The following SPAG16 variants were observed in gnomAD, a reference collection of about 807,000 sequenced individuals.
The protein encoded by SPAG16 is sperm associated antigen 16.
SPAG16 carries 86 observed loss-of-function variants against 80.4 expected under a neutral mutation model. The ratio of observed to expected loss-of-function variants is 1.07; its 90% confidence interval spans 0.90 to 1.28. SPAG16 has a LOEUF of 1.28. SPAG16 is among the 50% of genes most tolerant of loss of function. SPAG16 has a pLI of 0.00. For missense variants in SPAG16, 870 were observed against 765.3 expected, an observed-to-expected ratio of 1.14 and a Z score of -1.61; for synonymous variants, 294 against 265.9, an observed-to-expected ratio of 1.11 and a Z score of -1.03.
chr2:214,110,779 C>T (rs1016360574), intron 14 of SPAG16, among the ~76,000 whole-genome samples: 9 of 152,178 alleles, frequency 5.9e-5, no homozygotes, highest in African/African-American at 1.9e-4. Flanking sequence ...CCTATTTCTC[C>T]ACATCCTCTC....
chr2:213,898,472 T>C (rs548416640), intron 11 of SPAG16, among the ~76,000 whole-genome samples: 34 of 152,254 alleles, frequency 2.2e-4, no homozygotes, highest in African/African-American at 7.7e-4. Flanking sequence ...CTGTGATCTT[T>C]TCTGGAGTTT....
intron 10 of SPAG16, among the ~76,000 whole-genome samples, chr2:213,580,143 A>G (rs528394572): frequency 1.3e-5 from 2 of 151,962 alleles, no homozygotes; most frequent in African/African-American, 4.8e-5. Flanking sequence ...TGCTTACCCT[A>G]TACCCAGAGA....
rs778527957 is a variant in SPAG16, at chr2:214,410,168, T to C, written c.1749T>C (p.Asn583=). ...GAGTTTTAGCTCAGGCAAGTGGCAA[T>C]GGTGTTATCCATTTGCTAGATCTTA... The part of the protein sequence containing the change: ...SGRVLAQASG[N]GVIHLLDLKS... Residue 583 remains asparagine (N), a synonymous_variant, in exon 16 of 16, where the codon AAT becomes AAC. Coordinates refer to ENST00000331683, the MANE Select transcript of SPAG16 (RefSeq NM_024532.5). 27 of 1,613,796 alleles carry C rather than the reference T, an allele frequency of 1.7e-5. No individual in the cohort carries two copies. Among genetic ancestry groups the C allele is most frequent in the Non-Finnish European group, 2.3e-5 (27 of 1,179,816 alleles).
chr2:214,049,822 T>A (rs1167461457), intron 13 of SPAG16, among the ~76,000 whole-genome samples: 1 of 152,180 alleles, frequency 6.6e-6, no homozygotes, highest in Non-Finnish European at 1.5e-5. Context: ...GGAAGTTATA[T>A]TTACGTCACA....
chr2:213,589,660 A>T (rs1397033951), intron 10 of SPAG16, among the ~76,000 whole-genome samples: 2 of 152,086 alleles, frequency 1.3e-5, no homozygotes, highest in African/African-American at 4.8e-5. Context: ...GATGGCTCAC[A>T]CCTGTAATCC....
At chr2:214,006,678 G>A (rs2124914708) in intron 12 of SPAG16, among the ~76,000 whole-genome samples, 1 of 152,324 alleles carries the variant, frequency 6.6e-6, no homozygotes, top group Middle Eastern at 3.4e-3. Flanking sequence ...TTGCAGTGCT[G>A]TCATGCTCCA....
chr2:213,769,448 G>A (rs1575087006), intron 10 of SPAG16, among the ~76,000 whole-genome samples: 2 of 152,276 alleles, frequency 1.3e-5, no homozygotes, highest in East Asian at 3.9e-4. Flanking sequence ...TCTGGCAGTG[G>A]CATTGGTGAC....
At chr2:213,821,754 A>G (rs538756476) in intron 10 of SPAG16, among the ~76,000 whole-genome samples, 1 of 152,250 alleles carries the variant, frequency 6.6e-6, no homozygotes, top group Non-Finnish European at 1.5e-5. Context: ...TCTGTCTACA[A>G]GAGTTCAATT....
chr2:213,499,353 T>C (rs1018649418), intron 10 of SPAG16, among the ~76,000 whole-genome samples: 15 of 152,192 alleles, frequency 9.9e-5, no homozygotes, highest in African/African-American at 3.4e-4. Context: ...TGGATTCTAA[T>C]GATTTATTTT....
chr2:213,843,078 C>T (rs1204555204), intron 10 of SPAG16, among the ~76,000 whole-genome samples: 1 of 151,496 alleles, frequency 6.6e-6, no homozygotes, highest in Admixed American at 6.6e-5. Context: ...GGTGAGCCAC[C>T]GTGCCTGGCC....
chr2:213,732,284 A>G (rs1215247243), intron 10 of SPAG16, among the ~76,000 whole-genome samples: 5 of 151,940 alleles, frequency 3.3e-5, no homozygotes, highest in Non-Finnish European at 5.9e-5. Context: ...GTGTCTGTTC[A>G]TCCATCTTGG....
At chr2:214,334,197 A>G (rs1392771699) in intron 15 of SPAG16, among the ~76,000 whole-genome samples, 5 of 152,180 alleles carry the variant, frequency 3.3e-5, no homozygotes, top group African/African-American at 1.2e-4. Context: ...CTCTAGGTTG[A>G]TCACGCTCTG....
chr2:213,967,897 G>C (rs139494386), intron 12 of SPAG16, among the ~76,000 whole-genome samples: 4 of 152,200 alleles, frequency 2.6e-5, no homozygotes, highest in South Asian at 2.1e-4. Flanking sequence ...GATAATGCTG[G>C]TTTATAGGGA....
At chr2:213,736,006 A>T (rs955637917) in intron 10 of SPAG16, among the ~76,000 whole-genome samples, 1 of 152,188 alleles carries the variant, frequency 6.6e-6, no homozygotes, top group Non-Finnish European at 1.5e-5. Flanking sequence ...ATATTTATGG[A>T]GATTAAGAAT....
intron 14 of SPAG16, among the ~76,000 whole-genome samples, chr2:214,138,046 C>T (rs1576322468): frequency 2.0e-5 from 3 of 152,192 alleles, no homozygotes; most frequent in East Asian, 1.9e-4. Context: ...CTTTTCTGGG[C>T]TCTTTGGCTG....
chr2:214,298,305 C>T (rs1033393246), intron 15 of SPAG16, among the ~76,000 whole-genome samples: 5 of 151,954 alleles, frequency 3.3e-5, no homozygotes, highest in Admixed American at 2.0e-4. Context: ...TGAAACTCTG[C>T]TCAAGTCATT....
chr2:213,446,462 C>T (rs1321714349), intron 9 of SPAG16, among the ~76,000 whole-genome samples: 1 of 152,200 alleles, frequency 6.6e-6, no homozygotes, highest in Non-Finnish European at 1.5e-5. Flanking sequence ...GCATTAATAA[C>T]AGAATAGACA....
chr2:214,134,101 G>A (rs957114912), intron 14 of SPAG16, among the ~76,000 whole-genome samples: 8 of 152,322 alleles, frequency 5.3e-5, no homozygotes, highest in Middle Eastern at 3.4e-3. Flanking sequence ...GCTTCCAGCA[G>A]TCTGGACTTA....
At chr2:213,346,987 A>G (rs1204860865) in intron 6 of SPAG16, among the ~76,000 whole-genome samples, 3 of 152,326 alleles carry the variant, frequency 2.0e-5, no homozygotes, top group Non-Finnish European at 4.4e-5. Flanking sequence ...TACCTCTGGT[A>G]GAATTCGGCT....
Sources: allele counts gnomAD v4.1 joint callset (sites outside exome capture counted in the v4.1 genomes callset), GRCh38; gene constraint gnomAD v4.1.1; transcripts MANE v1.5; gene names NCBI Gene and HGNC (gene_info 2026-07-23, HGNC 2026-07-21).